Variants in GALNT7 observed in about 807,000 individuals in gnomAD.
The protein encoded by GALNT7 is N-acetylgalactosaminyltransferase 7.
A neutral mutation model predicts 82.1 loss-of-function variants in GALNT7; 60 were observed. The observed-to-expected ratio is 0.73, with a 90% CI of 0.59 to 0.91. GALNT7 has a LOEUF of 0.91. GALNT7 is among the 40% of genes least tolerant of loss of function. The probability of loss-of-function intolerance (pLI) is 0.00; values close to 1 mark genes in which losing one functional copy is unlikely to be tolerated. For missense variants in GALNT7, 660 were observed against 804.2 expected (o/e 0.82, Z 2.17); for synonymous variants, 243 against 275.1 (o/e 0.88, Z 1.15).
At chr4:173,218,936 C>G (rs2126684451) in intron 1 of GALNT7, among the ~76,000 whole-genome samples, 1 of 152,208 alleles carries the variant, frequency 6.6e-6, no homozygotes, top group East Asian at 1.9e-4. Context: ...CAGTCACCAA[C>G]TACTAAATTC....
Position 173,302,231 on chromosome 4 carries a change from G to C in GALNT7, c.1266+67G>C. On this transcript the variant is annotated intron_variant, in intron 7 of 11. Transcript: ENST00000265000. The surrounding 1 kb of genome is among the most constrained non-coding windows in gnomAD (Gnocchi z 4.2). ...CTAACTTCTGTGGCTTTCAGATAAA[G>C]CTAGTTTTTTGTGGGGGAAAAAAGC... The C allele has an allele frequency of 2.5e-6, 2 of 796,728 alleles. No homozygotes were observed. Among genetic ancestry groups the C allele is most frequent in the South Asian group, 1.4e-5 (1 of 69,012 alleles). 49.4% of individuals were successfully genotyped at this position (796,728 alleles called of 1,614,324 possible). A position where few individuals can be genotyped will look rare whatever the true frequency, so the allele number is the denominator to read the frequency against.
chr4:173,210,520 T>C (rs9993327), intron 1 of GALNT7, among the ~76,000 whole-genome samples: 137,558 of 152,168 alleles, frequency 0.9, 63,445 homozygotes, highest in Non-Finnish European at 1. Flanking sequence ...ATGGCGCCAT[T>C]TTGGCTCACT....
intron 2 of GALNT7, 85 bp downstream of exon 2, chr4:173,248,525 G>T (rs1245335604): frequency 4.8e-6 from 4 of 835,010 alleles, no homozygotes; most frequent in South Asian, 3.4e-5. Flanking sequence ...TTAGAATGAA[G>T]AAATAATTAT....
At chr4:173,169,525 G>C (rs976003102) in intron 1 of GALNT7, 1 of 151,570 alleles carries the variant, frequency 6.6e-6, no homozygotes, top group Non-Finnish European at 1.5e-5. Flanking sequence ...CCCGCCCGCC[G>C]GGGAGTGGGA....
intron 2 of GALNT7, among the ~76,000 whole-genome samples, chr4:173,269,024 G>A (rs977479827): frequency 6.6e-6 from 1 of 152,050 alleles, no homozygotes; most frequent in Non-Finnish European, 1.5e-5. Flanking sequence ...TAGTTAGTGG[G>A]CAAAATGCCC....
intron 1 of GALNT7, among the ~76,000 whole-genome samples, chr4:173,215,679 C>T (rs1733422544): frequency 6.6e-6 from 1 of 152,166 alleles, no homozygotes; most frequent in Non-Finnish European, 1.5e-5. Context: ...TCAAGGAATC[C>T]TTTCAAGGAG....
At position 173,281,341 on chromosome 4, in the gene GALNT7, A is replaced by G. The variant is rs561442052; in HGVS notation, c.588-10767A>G. On this transcript the variant is annotated intron_variant, in intron 2 of 11. Coordinates refer to ENST00000265000, the MANE Select transcript of GALNT7 (RefSeq NM_017423.3). The stretch of plus-strand genomic sequence containing the variant: ...CGGTCCTTTCCTCACCAGACCCACT[A>G]TGGGGACTTATCTCCATTTTGGCCC... Among the ~76,000 whole-genome samples the G allele has an allele frequency of 9.2e-5, 14 of 152,206 alleles. No individual in the cohort carries two copies. In the South Asian group the frequency reaches 2.7e-3, roughly 29 times the overall value.
intron 1 of GALNT7, among the ~76,000 whole-genome samples, chr4:173,206,092 G>A (rs1327265056): frequency 6.6e-6 from 1 of 152,180 alleles, no homozygotes; most frequent in Non-Finnish European, 1.5e-5. Flanking sequence ...TCTGCAGTCA[G>A]GAAGCAGGGT....
At chr4:173,214,051 G>A (rs1474635343) in intron 1 of GALNT7, among the ~76,000 whole-genome samples, 1 of 152,034 alleles carries the variant, frequency 6.6e-6, no homozygotes, top group Non-Finnish European at 1.5e-5. Flanking sequence ...TAATGTAAGG[G>A]CTTTTCAGTG....
chr4:173,196,156 G>A (rs1345775644), intron 1 of GALNT7, among the ~76,000 whole-genome samples: 1 of 149,328 alleles, frequency 6.7e-6, no homozygotes, highest in African/African-American at 2.5e-5. Flanking sequence ...ACAGAGTCTC[G>A]CTCTGTCGCC....
chr4:173,202,263 A>G (rs1201131207), intron 1 of GALNT7, among the ~76,000 whole-genome samples: 11 of 152,354 alleles, frequency 7.2e-5, no homozygotes, highest in African/African-American at 2.6e-4. Flanking sequence ...GTTCACTCAG[A>G]TATCAAGGGT....
rs372757624 is a variant in GALNT7 at position 173,178,044 on chromosome 4, T to C, written c.126+9083T>C. Among the ~76,000 whole-genome samples the C allele has an allele frequency of 5.2e-3, 570 of 109,072 alleles. 4 individuals carry two copies. The highest frequency in any genetic ancestry group is 9.9e-3 in the African/African-American group (238 of 24,050). The allele number at this position is 109,072 out of a possible 152,430, so 71.6% of individuals were successfully genotyped here. A position where few individuals can be genotyped will look rare whatever the true frequency, so the allele number is the denominator to read the frequency against. ...GTGTGTGTGTGTGTGTGTGTGTGTG[T>C]GTGTGTGTGCGCGCACGCGCGTGCG... On this transcript the variant is annotated intron_variant, in intron 1 of 11. Coordinates refer to ENST00000265000, the MANE Select transcript of GALNT7 (RefSeq NM_017423.3).
At chr4:173,201,011 A>G (rs1732928321) in intron 1 of GALNT7, among the ~76,000 whole-genome samples, 1 of 152,214 alleles carries the variant, frequency 6.6e-6, no homozygotes, top group Non-Finnish European at 1.5e-5. Flanking sequence ...TCAACCTTCA[A>G]GATCTGTGAG....
chr4:173,276,105 A>AT (rs1216355382), intron 2 of GALNT7, among the ~76,000 whole-genome samples: 6 of 152,152 alleles, frequency 3.9e-5, no homozygotes, highest in Non-Finnish European at 7.4e-5. Context: ...ACAAGTAAAC[A>AT]TTTTTTATTC....
At chr4:173,261,956 TCATTA>T (rs1440790193) in intron 2 of GALNT7, among the ~76,000 whole-genome samples, 1 of 152,194 alleles carries the variant, frequency 6.6e-6, no homozygotes, top group African/African-American at 2.4e-5. Context: ...AATAATAATT[TCATTA>T]CATATTACAT....
At chr4:173,308,486 C>T (rs6840382) in intron 8 of GALNT7, among the ~76,000 whole-genome samples, 4,540 of 151,902 alleles carry the variant, frequency 0.03, 230 homozygotes, top group African/African-American at 0.1. Context: ...TAAGCAAAAT[C>T]GAATTTTTGA....
chr4:173,303,597 T>C (rs1388500341), intron 7 of GALNT7, among the ~76,000 whole-genome samples: 1 of 152,150 alleles, frequency 6.6e-6, no homozygotes, highest in Non-Finnish European at 1.5e-5. Flanking sequence ...TAAGGATAGT[T>C]GAGTAGAGAG....
chr4:173,171,568 A>G (rs1731874824), intron 1 of GALNT7, among the ~76,000 whole-genome samples: 1 of 152,216 alleles, frequency 6.6e-6, no homozygotes. Context: ...TCTCATCTGC[A>G]CTATTTCCTT....
chr4:173,196,185 C>T (rs996378457), intron 1 of GALNT7, among the ~76,000 whole-genome samples: 1 of 150,996 alleles, frequency 6.6e-6, no homozygotes, highest in East Asian at 1.9e-4. Context: ...AGTGCAATGG[C>T]ACAATCTTGG....
Sources: gnomAD v4.1 joint callset for allele counts (sites outside exome capture counted in the v4.1 genomes callset) on GRCh38, gnomAD v4.1.1 for gene constraint, Gnocchi (gnomAD v3.1) non-coding constraint, MANE v1.5 for transcripts, NCBI Gene and HGNC (gene_info 2026-07-23, HGNC 2026-07-21) for gene names.